Variants in AGO3 observed in about 807,000 individuals in gnomAD.
The protein encoded by AGO3 is protein argonaute-3.
Under a neutral mutation model 105.5 loss-of-function variants are expected in AGO3, and 16 were observed. The observed-to-expected ratio is 0.15, with a 90% CI of 0.10 to 0.23. AGO3 has a LOEUF of 0.23. Among genes scored for constraint, AGO3 ranks in the 10% least tolerant of loss-of-function variants. The probability of loss-of-function intolerance (pLI) is 1.00; values close to 1 mark genes in which losing one functional copy is unlikely to be tolerated. For synonymous variants in AGO3, 340 were observed against 367.3 expected, an observed-to-expected ratio of 0.93 and a Z score of 0.85; for missense variants, 534 against 1,088.0, an observed-to-expected ratio of 0.49 and a Z score of 7.16.
intron 5 of AGO3, chr1:35,992,107 C>G (rs1432260925): frequency 6.6e-6 from 1 of 152,124 alleles, no homozygotes; most frequent in East Asian, 1.9e-4. Context: ...TAAACTCCTG[C>G]CTAAAGGATA....
At position 36,068,441 on chromosome 1, in the gene AGO3, G is replaced by A. The variant is rs1314044389; in HGVS notation, c.*12696G>A. 6.6e-6 allele frequency: 1 copy of A among 152,158 alleles called. No individual in the cohort carries two copies. Among genetic ancestry groups the A allele is most frequent in the African/African-American group, 2.4e-5 (1 of 41,428 alleles). 9.4% of individuals were successfully genotyped at this position (152,158 alleles called of 1,614,324 possible). ...ACTTCTCAGGAGGATGAGGCAGGAG[G>A]ATAGTTGAGCCCAGGAGTTTAAAGC... On this transcript the variant is annotated 3_prime_UTR_variant, in exon 19 of 19. Transcript: ENST00000373191.
chr1:36,066,301 C>G lies in AGO3; in HGVS notation c.*10556C>G, dbSNP rs967502276. 1 of 152,324 alleles carries G rather than the reference C, an allele frequency of 6.6e-6. No homozygotes were observed. The highest frequency in any genetic ancestry group is 1.5e-5 in the Non-Finnish European group (1 of 68,158). 9.4% of individuals were successfully genotyped at this position (152,324 alleles called of 1,614,324 possible). ...CTTGGCCGGGCACGGTGGCTCACAC[C>G]TGTAATCCCAGCACTTCGGGAGGCC... On this transcript the variant is annotated 3_prime_UTR_variant, in exon 19 of 19. Coordinates refer to ENST00000373191, the MANE Select transcript of AGO3 (RefSeq NM_024852.4).
chr1:36,009,135 T>C, intron 8 of AGO3, 91 bp downstream of exon 8: 1 of 1,328,850 alleles, frequency 7.5e-7, no homozygotes, highest in African/African-American at 1.7e-5. Context: ...ACAGAACATT[T>C]ATTTTGGAAT....
chr1:36,049,313 A>G (rs1018019807), intron 17 of AGO3, among the ~76,000 whole-genome samples: 1 of 152,038 alleles, frequency 6.6e-6, no homozygotes, highest in Admixed American at 6.6e-5. Context: ...AGGTCAAGAG[A>G]TCAAGACTGT....
intron 5 of AGO3, among the ~76,000 whole-genome samples, chr1:35,991,171 G>C (rs1483854001): frequency 6.6e-6 from 1 of 152,134 alleles, no homozygotes; most frequent in Non-Finnish European, 1.5e-5. Context: ...GGGCATGGTG[G>C]TGTGCATCTG....
At chr1:36,047,912 C>G (rs958143004) in intron 17 of AGO3, among the ~76,000 whole-genome samples, 2 of 151,672 alleles carry the variant, frequency 1.3e-5, no homozygotes, top group African/African-American at 2.4e-5. Flanking sequence ...GAAAACTTCC[C>G]AAATCTGGGG....
At chr1:35,972,856 A>AAT (rs1646893106) in intron 4 of AGO3, among the ~76,000 whole-genome samples, 6 of 122,894 alleles carry the variant, frequency 4.9e-5, no homozygotes, top group East Asian at 2.8e-4. Context: ...TTAAAAAAAA[A>AAT]TTTTTTTTTT....
chr1:36,024,583 G>A lies in AGO3; in HGVS notation c.1407-2531G>A, dbSNP rs184170369. On this transcript the variant is annotated intron_variant, in intron 11 of 18. Transcript: ENST00000373191. ...GCTGTCACGCTTGTTTGAGAAATTC[G>A]GCTGTCATGAAAGAACACCACCTCT... Among the ~76,000 whole-genome samples, 8 of 152,206 alleles carry A rather than the reference G, an allele frequency of 5.3e-5. No homozygotes were observed. In the East Asian group the frequency reaches 9.6e-4, roughly 18 times the overall value.
At chr1:36,026,067 G>A (rs1242584742) in intron 11 of AGO3, among the ~76,000 whole-genome samples, 5 of 151,854 alleles carry the variant, frequency 3.3e-5, no homozygotes, top group African/African-American at 1.2e-4. Flanking sequence ...TTGGTTTTGG[G>A]GGTTTTTCAG....
chr1:35,984,042 G>T (rs1167034644), intron 5 of AGO3, among the ~76,000 whole-genome samples: 1 of 152,094 alleles, frequency 6.6e-6, no homozygotes, highest in Non-Finnish European at 1.5e-5. Context: ...ATTGAAACAG[G>T]AAAGAGGAGG....
chr1:35,966,099 A>T lies in AGO3; in HGVS notation c.192-856A>T, dbSNP rs968611912. Among the ~76,000 whole-genome samples the T allele has an allele frequency of 4.6e-5, 7 of 152,334 alleles. No individual in the cohort carries two copies. The South Asian group carries it at 1.0e-3, about 23-fold the overall frequency. ...CTTGGCCTCCCAAAGTGCTGGGATT[A>T]CAGGCGTAAGCCACTGTGCCTGGCC... On this transcript the variant is annotated intron_variant, in intron 2 of 18. Transcript: ENST00000373191.
intron 1 of AGO3, among the ~76,000 whole-genome samples, chr1:35,939,465 C>T (rs922362199): frequency 9.9e-5 from 15 of 152,014 alleles, no homozygotes; most frequent in Admixed American, 2.0e-4. Flanking sequence ...AATGATGTGT[C>T]GGTATAGGTT....
intron 6 of AGO3, chr1:36,005,729 ATG>A (rs1640306982): frequency 1.0e-6 from 1 of 985,242 alleles, no homozygotes; most frequent in African/African-American, 1.7e-5. Context: ...AAAATACAAG[ATG>A]TACAGAACAA....
chr1:36,043,321 G>A lies in AGO3; in HGVS notation c.2173-126G>A, dbSNP rs147420430. 80 of 727,312 alleles carry A rather than the reference G, an allele frequency of 1.1e-4. No individual in the cohort carries two copies. The East Asian group carries it at 2.2e-3, about 20-fold the overall frequency. 45.1% of individuals were successfully genotyped at this position (727,312 alleles called of 1,614,324 possible). On this transcript the variant is annotated intron_variant, in intron 16 of 18. Transcript: ENST00000373191. ...TAGTCTGCTCTGAATGACTGCTTAAGTCATATTTCAAGGTGAAAGTAGTGA... is the reference window on the plus strand; with the variant it reads ...TAGTCTGCTCTGAATGACTGCTTAAATCATATTTCAAGGTGAAAGTAGTGA...
At chr1:36,054,275 C>CATTT (rs1160726432) in intron 17 of AGO3, among the ~76,000 whole-genome samples, 5 of 151,942 alleles carry the variant, frequency 3.3e-5, no homozygotes, top group East Asian at 3.9e-4. Context: ...TATTTCATTT[C>CATTT]ATTTATTTAT....
chr1:35,973,706 C>A, intron 5 of AGO3, 195 bp downstream of exon 5: 1 of 492,332 alleles, frequency 2.0e-6, no homozygotes, highest in Non-Finnish European at 3.0e-6. Flanking sequence ...TGGAATGCTG[C>A]TAAACATGAA....
chr1:35,983,460 C>T (rs1292101961), intron 5 of AGO3: 3 of 150,198 alleles, frequency 2.0e-5, no homozygotes, highest in South Asian at 2.1e-4. Context: ...AGGTGTGGTG[C>T]GTACTTGTAG....
At position 35,972,147 on chromosome 1, in the gene AGO3, C is replaced by T. The variant is rs1455419348; in HGVS notation, c.436C>T (p.Pro146Ser). ...LHEVLTGRTL[P>S]EPLELDKPIS... Reference sequence around the variant, plus strand: ...TGAAGTACTGACAGGACGGACCTTGCCTGAGCCACTGGAATTAGACAAGCC... The same window carrying T: ...TGAAGTACTGACAGGACGGACCTTGTCTGAGCCACTGGAATTAGACAAGCC... Residue 146 changes from proline to serine, a missense_variant, in exon 4 of 19, where the codon CCT becomes TCT. Pro to Ser is a moderately conservative substitution (Grantham distance 74). This residue lies in a region of AGO3 where 161 missense variants were observed against 234.0 expected (regional missense o/e 0.69). Coordinates refer to ENST00000373191, the MANE Select transcript of AGO3 (RefSeq NM_024852.4). 1.9e-6 allele frequency: 3 copies of T among 1,613,910 alleles called. No homozygotes were observed. Among genetic ancestry groups the T allele is most frequent in the Non-Finnish European group, 2.5e-6 (3 of 1,180,002 alleles).
At chr1:36,002,510 T>G (rs1640133724) in intron 5 of AGO3, among the ~76,000 whole-genome samples, 1 of 151,708 alleles carries the variant, frequency 6.6e-6, no homozygotes, top group Non-Finnish European at 1.5e-5. Flanking sequence ...TTTTGTATTT[T>G]CAGTAGAGAT....
Sources: gnomAD v4.1 joint callset for allele counts (sites outside exome capture counted in the v4.1 genomes callset) on GRCh38, gnomAD v4.1.1 for gene constraint, gnomAD v4.1.1 regional missense constraint, MANE v1.5 for transcripts, NCBI Gene and HGNC (gene_info 2026-07-23, HGNC 2026-07-21) for gene names.